Variants in TPGS2 observed in about 807,000 individuals in gnomAD.
TPGS2 encodes polyglutamylase subunit 2.
TPGS2 carries 26 observed loss-of-function variants against 31.1 expected under a neutral mutation model. The ratio of observed to expected loss-of-function variants is 0.84; its 90% CI spans 0.61 to 1.16. The LOEUF is 1.16. Among genes scored for constraint, TPGS2 ranks in the 50% most tolerant of loss-of-function variants. The pLI is 0.00. For missense variants in TPGS2, 351 were observed against 363.8 expected (o/e 0.96, Z 0.29); for synonymous variants, 130 against 136.6 (o/e 0.95, Z 0.34).
At chr18:36,784,669 G>A (rs529557684) in intron 6 of TPGS2, among the ~76,000 whole-genome samples, 1 of 152,202 alleles carries the variant, frequency 6.6e-6, no homozygotes, top group South Asian at 2.1e-4. Flanking sequence ...CTCTGTGTGA[G>A]CACTTCATAT....
chr18:36,822,155 C>T (rs2045922278), intron 1 of TPGS2, among the ~76,000 whole-genome samples: 1 of 152,208 alleles, frequency 6.6e-6, no homozygotes, highest in Admixed American at 6.5e-5. Flanking sequence ...AGAGCTGTGA[C>T]TGGTTGTTTT....
At chr18:36,805,327 G>A (rs1034783536) in intron 4 of TPGS2, 47 bp downstream of exon 4, 16 of 1,603,912 alleles carry the variant, frequency 1.0e-5, no homozygotes, top group Non-Finnish European at 1.4e-5. Flanking sequence ...CGCCAGGCAT[G>A]GAGCTGGATG....
At chr18:36,805,008 A>G (rs1024984221) in intron 4 of TPGS2, among the ~76,000 whole-genome samples, 1 of 152,220 alleles carries the variant, frequency 6.6e-6, no homozygotes, top group African/African-American at 2.4e-5. Flanking sequence ...ACATCAGCCT[A>G]GTTCCAGATT....
chr18:36,795,337 G>A lies in TPGS2; in HGVS notation c.*1468C>T. On this transcript the variant is annotated 3_prime_UTR_variant, in exon 7 of 7. Coordinates refer to ENST00000334295, the MANE Select transcript of TPGS2 (RefSeq NM_015476.4). ...GGAAGTCTGGCCAATCACCGGGGTA[G>A]AGAGAAGTCAGGAAAGAGAATGAGC... is the stretch of plus-strand genomic sequence containing the variant. 1 of 985,566 alleles carries A rather than the reference G, an allele frequency of 1.0e-6. No homozygotes were observed. The highest frequency in any genetic ancestry group is 1.2e-6 in the Non-Finnish European group (1 of 830,044). 61.1% of individuals were successfully genotyped at this position (985,566 alleles called of 1,614,324 possible). A position where few individuals can be genotyped will look rare whatever the true frequency, so the allele number is the denominator to read the frequency against.
At chr18:36,805,288 G>A in intron 4 of TPGS2, 86 bp downstream of exon 4, 1 of 1,442,928 alleles carries the variant, frequency 6.9e-7, no homozygotes, top group Non-Finnish European at 9.6e-7. Flanking sequence ...ATTCATTCAT[G>A]CACCAAGATT....
rs544100364 is a variant in TPGS2 at position 36,800,160 on chromosome 18, A to G, written c.496+38T>C. The stretch of plus-strand genomic sequence containing the variant: ...GACAAGCAAGGTCAGGCAAGACCCT[A>G]GCCAAACTACGGGACCACGCTTGTA... On this transcript the variant is annotated intron_variant, in intron 5 of 6. Coordinates refer to ENST00000334295, the MANE Select transcript of TPGS2 (RefSeq NM_015476.4). 116 of 1,583,264 alleles carry G rather than the reference A, an allele frequency of 7.3e-5. 3 individuals are homozygous for G. In the South Asian group the frequency reaches 1.2e-3, roughly 17 times the overall value.
At chr18:36,787,167 C>T in intron 6 of TPGS2, 1 of 1,225,856 alleles carries the variant, frequency 8.2e-7, no homozygotes, top group Non-Finnish European at 1.0e-6. Context: ...ACAGGTAGCA[C>T]ATTAAATGAG....
Position 36,798,499 on chromosome 18 carries a change from G to A in TPGS2, c.607C>T (p.Pro203Ser). Residue 203 changes from proline (P) to serine (S), a missense_variant, in exon 6 of 7, where the codon CCC (proline) becomes TCC (serine). Coordinates refer to ENST00000334295, the MANE Select transcript of TPGS2 (RefSeq NM_015476.4). ...CTGGTGAAGGCATATTGCCACTGGG[G>A]CAGGCCCAGGTGGGTGATGAGCAGG... The part of the protein sequence containing the change: ...YRLLITHLGL[P>S]QWQYAFTSYG... 1.2e-6 allele frequency: 2 copies of A among 1,614,248 alleles called. No individual in the cohort carries two copies. Among genetic ancestry groups the A allele is most frequent in the Non-Finnish European group, 1.7e-6 (2 of 1,180,034 alleles).
At chr18:36,808,720 A>G (rs2045285521) in intron 2 of TPGS2, among the ~76,000 whole-genome samples, 1 of 152,174 alleles carries the variant, frequency 6.6e-6, no homozygotes, top group Admixed American at 6.5e-5. Context: ...GAAGGTAACC[A>G]TATATACTCA....
intron 4 of TPGS2, among the ~76,000 whole-genome samples, chr18:36,801,383 G>C: frequency 6.6e-6 from 1 of 152,180 alleles, no homozygotes; most frequent in Admixed American, 6.5e-5. Flanking sequence ...CTGGGCTGGA[G>C]TGCAGTGACA....
At chr18:36,818,374 A>AG (rs2045749732) in intron 2 of TPGS2, 1 of 151,518 alleles carries the variant, frequency 6.6e-6, no homozygotes, top group Non-Finnish European at 1.5e-5. Flanking sequence ...ATTACCATTT[A>AG]ATCTGGGAGA....
chr18:36,815,903 C>A (rs976789394), intron 2 of TPGS2, among the ~76,000 whole-genome samples: 4 of 152,072 alleles, frequency 2.6e-5, no homozygotes, highest in African/African-American at 9.7e-5. Flanking sequence ...GTTGTCCAGG[C>A]TGTTCTTGAA....
chr18:36,818,491 A>G (rs1308285289), intron 2 of TPGS2: 1 of 155,072 alleles, frequency 6.4e-6, no homozygotes, highest in Non-Finnish European at 1.4e-5. Context: ...TAAAACTTTT[A>G]TTGAATAAAC....
downstream of TPGS2, among the ~76,000 whole-genome samples, chr18:36,793,437 C>G (rs1010645444): frequency 6.6e-6 from 1 of 152,182 alleles, no homozygotes; most frequent in South Asian, 2.1e-4. Context: ...CCATCTGAAC[C>G]AGACTGGCTT....
chr18:36,788,744 A>C (rs1462014037), intron 6 of TPGS2: 1 of 152,092 alleles, frequency 6.6e-6, no homozygotes, highest in African/African-American at 2.4e-5. Flanking sequence ...GTGGGTACAT[A>C]GTAGGTGTAT....
chr18:36,800,982 G>A (rs1421147397), intron 4 of TPGS2, among the ~76,000 whole-genome samples: 2 of 152,098 alleles, frequency 1.3e-5, no homozygotes, highest in South Asian at 2.1e-4. Flanking sequence ...GAGCCACCGC[G>A]CCCGGTCAGA....
At chr18:36,787,043 C>T (rs2044149330) in intron 6 of TPGS2, 2 of 1,233,926 alleles carry the variant, frequency 1.6e-6, no homozygotes, top group Non-Finnish European at 2.0e-6. Flanking sequence ...TTCCAGTGAA[C>T]ACATTTTCTT....
chr18:36,799,717 C>T (rs1287206845), intron 5 of TPGS2, among the ~76,000 whole-genome samples: 1 of 152,138 alleles, frequency 6.6e-6, no homozygotes, highest in Non-Finnish European at 1.5e-5. Context: ...TTCACAGTCC[C>T]TAGGCTGGGG....
At chr18:36,819,514 A>G (rs1225152068) in intron 1 of TPGS2, among the ~76,000 whole-genome samples, 1 of 152,262 alleles carries the variant, frequency 6.6e-6, no homozygotes, top group Non-Finnish European at 1.5e-5. Flanking sequence ...ATATTTCTAA[A>G]TCCTTGAAGC....
Sources: allele counts gnomAD v4.1 joint callset (sites outside exome capture counted in the v4.1 genomes callset), GRCh38; gene constraint gnomAD v4.1.1; transcripts MANE v1.5; gene names NCBI Gene and HGNC (gene_info 2026-07-23, HGNC 2026-07-21).